SENP6: variants seen among roughly 807,000 people sequenced by gnomAD.
SENP6 encodes sentrin-specific protease 6.
A neutral mutation model predicts 134.5 loss-of-function variants in SENP6; 41 were observed. The observed-to-expected ratio is 0.30, with a 90% CI of 0.24 to 0.40. The LOEUF is 0.40. SENP6 is among the 10% of genes least tolerant of loss of function. The pLI, the probability that SENP6 is intolerant of heterozygous loss-of-function variation, is 1.00. For synonymous variants in SENP6, 395 were observed against 429.8 expected (o/e 0.92, Z 1.00); for missense variants, 1,248 against 1,312.5 (o/e 0.95, Z 0.76).
chr6:75,708,620 C>T (rs527289765), intron 19 of SENP6, among the ~76,000 whole-genome samples: 2 of 152,240 alleles, frequency 1.3e-5, no homozygotes, highest in African/African-American at 2.4e-5. Flanking sequence ...TGAGGCCAGG[C>T]ACGGTGGCTC....
chr6:75,649,503 G>GTTTT (rs1300432466), intron 7 of SENP6, among the ~76,000 whole-genome samples: 3 of 151,942 alleles, frequency 2.0e-5, no homozygotes, highest in Non-Finnish European at 4.4e-5. Context: ...TTTAACTTGG[G>GTTTT]TTTTGTTTGT....
intron 16 of SENP6, among the ~76,000 whole-genome samples, chr6:75,680,335 G>T (rs1773379039): frequency 6.6e-6 from 1 of 152,186 alleles, no homozygotes; most frequent in Non-Finnish European, 1.5e-5. Context: ...CAAAAGGACA[G>T]TGCCAATAAG....
intron 10 of SENP6, 40 bp from the exon 11 acceptor site, chr6:75,670,513 T>C (rs1451011520): frequency 6.8e-7 from 1 of 1,478,422 alleles, no homozygotes; most frequent in Admixed American, 1.8e-5. Context: ...CAGCCTTATT[T>C]TAGTAAATTA....
chr6:75,638,586 GTGTGTATATATATATATATA>G (rs1340353600), intron 5 of SENP6, among the ~76,000 whole-genome samples: 2 of 29,446 alleles, frequency 6.8e-5, no homozygotes, highest in Admixed American at 1.1e-3. Flanking sequence ...GTGTGTGTGT[GTGTGTATATATATATATATA>G]TATATATATA....
At chr6:75,672,824 G>A (rs118056549) in intron 11 of SENP6, among the ~76,000 whole-genome samples, 2 of 151,782 alleles carry the variant, frequency 1.3e-5, no homozygotes, top group Admixed American at 6.6e-5. Context: ...TTATTTTTAT[G>A]TATTTATTTA....
Position 75,713,759 on chromosome 6 carries a change from A to C in SENP6, c.3063A>C (p.Val1021=). 1 of 1,613,640 alleles carries C rather than the reference A, an allele frequency of 6.2e-7. No individual in the cohort carries two copies. The change falls in exon 23 of 24, where the codon GTA becomes GTC. Residue 1021 remains valine, a synonymous_variant. Coordinates refer to ENST00000447266, the MANE Select transcript of SENP6 (RefSeq NM_015571.4). ...KDVMKGSNPK[V]PQQNNFSDCG... is the part of the protein sequence containing the mutation. Reference sequence around the variant, plus strand: ...TTATGAAGGGCTCTAATCCAAAAGTACCACAGCAAAACAACTTCAGTGACT... The same window carrying C: ...TTATGAAGGGCTCTAATCCAAAAGTCCCACAGCAAAACAACTTCAGTGACT...
chr6:75,689,722 G>C (rs561758306), intron 16 of SENP6, among the ~76,000 whole-genome samples: 1 of 151,992 alleles, frequency 6.6e-6, no homozygotes, highest in Non-Finnish European at 1.5e-5. Flanking sequence ...TATTCAGTAC[G>C]GTAACATACT....
At chr6:75,645,975 C>T (rs543964638) in intron 6 of SENP6, among the ~76,000 whole-genome samples, 2 of 152,272 alleles carry the variant, frequency 1.3e-5, no homozygotes, top group Non-Finnish European at 2.9e-5. Context: ...AAAGATGGCT[C>T]AGTACACAAG....
At chr6:75,690,692 G>GT (rs1393099069) in intron 16 of SENP6, among the ~76,000 whole-genome samples, 1 of 133,258 alleles carries the variant, frequency 7.5e-6, no homozygotes, top group Non-Finnish European at 1.7e-5. Flanking sequence ...TGGTTTTTTT[G>GT]TTTTTTGTTT....
chr6:75,699,599 G>A (rs577107960), intron 18 of SENP6, among the ~76,000 whole-genome samples: 2 of 151,608 alleles, frequency 1.3e-5, no homozygotes, highest in Admixed American at 6.6e-5. Flanking sequence ...GTGATCCTCC[G>A]ACCTCAGCCT....
In SENP6 at chr6:75,670,625, G is replaced by A. The variant is rs2842536; in HGVS notation, c.1297G>A (p.Ala433Thr). The change falls in exon 11 of 24, where the codon GCT (alanine) becomes ACT (threonine). Residue 433 changes from alanine to threonine, a missense_variant. This residue lies in a region of SENP6 where 733 missense variants were observed against 725.4 expected (regional missense o/e 1.01). Transcript: ENST00000447266. ...VFSQEPPDAL[A>T]LSCQSSFDSV... is the part of the protein sequence containing the mutation. ...TTCTCAAGAACCTCCAGATGCTTTA[G>A]CTTTAAGCTGCCAAAGTTCCTTTGA... 6 of 1,613,408 alleles carry A rather than the reference G, an allele frequency of 3.7e-6. No homozygotes were observed. In the Admixed American group the frequency reaches 1.0e-4, roughly 27 times the overall value.
intron 5 of SENP6, among the ~76,000 whole-genome samples, chr6:75,635,961 A>G (rs993432834): frequency 1.3e-5 from 2 of 152,140 alleles, no homozygotes; most frequent in African/African-American, 4.8e-5. Flanking sequence ...CAAAATTATT[A>G]CATTATTTTT....
At chr6:75,606,614 A>G (rs780663987) in intron 1 of SENP6, among the ~76,000 whole-genome samples, 22 of 152,226 alleles carry the variant, frequency 1.4e-4, no homozygotes, top group Admixed American at 5.2e-4. Context: ...TACAGCAATC[A>G]GTGGTGGATT....
chr6:75,638,399 A>T (rs1331671181), intron 5 of SENP6, among the ~76,000 whole-genome samples: 1 of 150,128 alleles, frequency 6.7e-6, no homozygotes, highest in Non-Finnish European at 1.5e-5. Context: ...TTTATGTTTT[A>T]TTTTAACATG....
At chr6:75,690,610 CTG>C (rs1774168892) in intron 16 of SENP6, among the ~76,000 whole-genome samples, 2 of 152,000 alleles carry the variant, frequency 1.3e-5, no homozygotes, top group Admixed American at 6.6e-5. Context: ...GTTTTTAACA[CTG>C]TGCATATACT....
At chr6:75,697,904 A>G (rs11758976) in intron 18 of SENP6, 42,235 of 158,852 alleles carry the variant, frequency 0.27, 6,617 homozygotes, top group Non-Finnish European at 0.37. Context: ...TTAGCCAGAA[A>G]GGAGAAACGA....
chr6:75,617,430 C>G (rs1156290929), intron 1 of SENP6, among the ~76,000 whole-genome samples: 1 of 151,724 alleles, frequency 6.6e-6, no homozygotes, highest in Non-Finnish European at 1.5e-5. Context: ...TGCACCACCA[C>G]ACCGGCTAAT....
chr6:75,689,330 A>G (rs1774072167), intron 16 of SENP6, among the ~76,000 whole-genome samples: 1 of 152,244 alleles, frequency 6.6e-6, no homozygotes, highest in Non-Finnish European at 1.5e-5. Context: ...AAAGATGCTC[A>G]ACATCAGTAA....
intron 10 of SENP6, among the ~76,000 whole-genome samples, chr6:75,667,688 T>G (rs1772351903): frequency 6.6e-6 from 1 of 152,210 alleles, no homozygotes; most frequent in Non-Finnish European, 1.5e-5. Context: ...ATTAAAAAAT[T>G]TTTAATGTGT....
Sources: gnomAD v4.1 joint callset for allele counts (sites outside exome capture counted in the v4.1 genomes callset) on GRCh38, gnomAD v4.1.1 for gene constraint, gnomAD v4.1.1 regional missense constraint, MANE v1.5 for transcripts, NCBI Gene and HGNC (gene_info 2026-07-23, HGNC 2026-07-21) for gene names.